The following RBFOX1 variants were observed in gnomAD, a reference collection of about 807,000 sequenced individuals.
The protein encoded by RBFOX1 is RNA binding fox-1 homolog 1.
RBFOX1 carries 8 observed loss-of-function variants against 57.7 expected under a neutral mutation model. The ratio of observed to expected loss-of-function variants is 0.14; its 90% CI spans 0.08 to 0.25. The LOEUF is 0.25. RBFOX1 is among the 10% of genes least tolerant of loss of function. RBFOX1 has a pLI of 1.00. For missense variants in RBFOX1, 611 were observed against 548.5 expected (o/e 1.11, Z -1.14); for synonymous variants, 326 against 222.4 (o/e 1.47, Z -4.15).
In RBFOX1 at chr16:5,823,616, A is replaced by G. The variant is rs747888313; in HGVS notation, c.319-43687A>G. On this transcript the variant is annotated intron_variant, in intron 3 of 19. Coordinates refer to the RBFOX1 transcript ENST00000641259. ...TCTTTATTTACAGCCACTCCCCATC[A>G]CTCACATTATCACCTGAGCTCCACC... Among the ~76,000 whole-genome samples, 7 of 152,056 alleles carry G rather than the reference A, an allele frequency of 4.6e-5. No homozygotes were observed. In the South Asian group the frequency reaches 1.5e-3, roughly 32 times the overall value.
At chr16:7,415,084 C>A (rs1363896260) in intron 4 of RBFOX1, among the ~76,000 whole-genome samples, 2 of 152,174 alleles carry the variant, frequency 1.3e-5, no homozygotes, top group African/African-American at 4.8e-5. Context: ...ACTTCATTTC[C>A]AAAGTCATTA....
chr16:6,826,330 T>A (rs1173301778), intron 3 of RBFOX1, among the ~76,000 whole-genome samples: 2 of 152,040 alleles, frequency 1.3e-5, no homozygotes, highest in Non-Finnish European at 2.9e-5. Flanking sequence ...CTAGGCAACA[T>A]GGGGAGACCC....
intron 4 of RBFOX1, among the ~76,000 whole-genome samples, chr16:7,383,169 C>G (rs1346275167): frequency 6.6e-6 from 1 of 151,898 alleles, no homozygotes; most frequent in African/African-American, 2.4e-5. Context: ...TCTTGTTTAT[C>G]CCGTTGTCCA....
chr16:7,534,743 C>G (rs575733986), intron 5 of RBFOX1, among the ~76,000 whole-genome samples: 1 of 151,654 alleles, frequency 6.6e-6, no homozygotes, highest in Non-Finnish European at 1.5e-5. Flanking sequence ...AGACTATCCA[C>G]TCGTAGCAGA....
At chr16:5,264,013 G>A (rs1214682940) in intron 1 of RBFOX1, among the ~76,000 whole-genome samples, 1 of 152,192 alleles carries the variant, frequency 6.6e-6, no homozygotes, top group African/African-American at 2.4e-5. Flanking sequence ...AGATTTTCCA[G>A]GTGGGTGTGG....
chr16:6,785,607 T>C (rs779416350), intron 3 of RBFOX1, among the ~76,000 whole-genome samples: 2 of 152,206 alleles, frequency 1.3e-5, no homozygotes, highest in Non-Finnish European at 2.9e-5. Flanking sequence ...CTATTTTTCC[T>C]TTGTTTTCAA....
intron 4 of RBFOX1, among the ~76,000 whole-genome samples, chr16:7,228,022 C>T (rs955828180): frequency 2.6e-5 from 4 of 152,110 alleles, no homozygotes; most frequent in Admixed American, 2.0e-4. Flanking sequence ...CCAGTAGCAC[C>T]CACCCACCAG....
chr16:7,026,862 C>G (rs1281372710), intron 3 of RBFOX1, among the ~76,000 whole-genome samples: 1 of 152,218 alleles, frequency 6.6e-6, no homozygotes, highest in African/African-American at 2.4e-5. Context: ...GCTGTATCTC[C>G]TAGTTGCAAG....
At chr16:7,060,075 T>G (rs1454339141) in intron 4 of RBFOX1, among the ~76,000 whole-genome samples, 1 of 152,196 alleles carries the variant, frequency 6.6e-6, no homozygotes, top group Non-Finnish European at 1.5e-5. Flanking sequence ...CATTCCACTT[T>G]AATCAAACCC....
rs182840367 is a variant in RBFOX1 at position 6,993,231 on chromosome 16, A to G, written c.-15-58826A>G. On this transcript the variant is annotated intron_variant, in intron 3 of 15. Transcript: ENST00000550418. ...GATAGCTGTGCAATGACTTGTTGCT[A>G]CTGTAGAGGGGACCCTGCACACACC... Among the ~76,000 whole-genome samples, 10 of 152,260 alleles carry G rather than the reference A, an allele frequency of 6.6e-5. No individual in the cohort carries two copies. In the East Asian group the frequency reaches 1.9e-3, roughly 29 times the overall value.
At chr16:5,781,338 A>T (rs1041609123) in intron 3 of RBFOX1, among the ~76,000 whole-genome samples, 20 of 152,294 alleles carry the variant, frequency 1.3e-4, no homozygotes, top group African/African-American at 4.6e-4. Flanking sequence ...GACTCTATTG[A>T]ACCTATTTCT....
chr16:7,008,272 T>C (rs993062968), intron 3 of RBFOX1, among the ~76,000 whole-genome samples: 2 of 152,160 alleles, frequency 1.3e-5, no homozygotes, highest in Non-Finnish European at 2.9e-5. Flanking sequence ...CCAGGTGCGG[T>C]GGCTTATACC....
In RBFOX1 at chr16:7,405,028, G is replaced by A. The variant is rs145498474; in HGVS notation, c.28-113119G>A. 3.1e-3 allele frequency among the ~76,000 whole-genome samples: 473 copies of A among 152,290 alleles called. 11 individuals carry two copies. The highest frequency in any genetic ancestry group is 0.024 in the Admixed American group (370 of 15,304). On this transcript the variant is annotated intron_variant, in intron 4 of 15. Transcript: ENST00000550418. Reference sequence around the variant, plus strand: ...CTACACCACAAAGGGTATTATTTCGGTTACGGTAATAACGCATAAGGGTGT... The same window carrying A: ...CTACACCACAAAGGGTATTATTTCGATTACGGTAATAACGCATAAGGGTGT...
intron 3 of RBFOX1, among the ~76,000 whole-genome samples, chr16:6,984,115 C>G (rs550173474): frequency 6.6e-6 from 1 of 152,150 alleles, no homozygotes; most frequent in Non-Finnish European, 1.5e-5. Context: ...AGTATGATGG[C>G]AGGCGCTTGT....
intron 3 of RBFOX1, among the ~76,000 whole-genome samples, chr16:6,797,414 G>T (rs560505029): frequency 5.9e-5 from 9 of 152,104 alleles, no homozygotes; most frequent in Admixed American, 1.3e-4. Flanking sequence ...AAGGGGGAGA[G>T]AGATAGAGTT....
At chr16:6,935,632 C>G (rs1482762205) in intron 3 of RBFOX1, among the ~76,000 whole-genome samples, 1 of 152,230 alleles carries the variant, frequency 6.6e-6, no homozygotes, top group African/African-American at 2.4e-5. Context: ...ACACGCTCCC[C>G]TACATACTTT....
chr16:5,858,716 T>C (rs751211424), intron 3 of RBFOX1, among the ~76,000 whole-genome samples: 13 of 152,218 alleles, frequency 8.5e-5, no homozygotes, highest in African/African-American at 1.2e-4. Flanking sequence ...CATTTATTCA[T>C]TGGACATGTC....
chr16:5,528,405 A>G (rs6500693), intron 2 of RBFOX1, among the ~76,000 whole-genome samples: 10,885 of 152,156 alleles, frequency 0.072, 1,287 homozygotes, highest in African/African-American at 0.25. Flanking sequence ...ACGTTGTGTT[A>G]ACTCTGTGCT....
At chr16:7,031,794 T>G (rs573936305) in intron 3 of RBFOX1, among the ~76,000 whole-genome samples, 63 of 152,256 alleles carry the variant, frequency 4.1e-4, no homozygotes, top group African/African-American at 1.4e-3. Flanking sequence ...GCAGATGGCT[T>G]GTGTCTCATG....
Sources: gnomAD v4.1 joint callset for allele counts (sites outside exome capture counted in the v4.1 genomes callset) on GRCh38, gnomAD v4.1.1 for gene constraint, MANE v1.5 for transcripts, NCBI Gene and HGNC (gene_info 2026-07-23, HGNC 2026-07-21) for gene names.